PLD5: variants seen among roughly 807,000 people sequenced by gnomAD.
PLD5 encodes phospholipase D family member 5, also known as inactive phospholipase D5.
A neutral mutation model predicts 61.1 loss-of-function variants in PLD5; 36 were observed. That is an observed-to-expected ratio of 0.59 (90% CI 0.45 to 0.78). PLD5 has a LOEUF of 0.78. Ranked by LOEUF, PLD5 falls within the 30% of genes least tolerant of loss-of-function variation. The pLI, the probability that PLD5 is intolerant of heterozygous loss-of-function variation, is 0.00. For synonymous variants in PLD5, 243 were observed against 242.8 expected, an observed-to-expected ratio of 1.00 and a Z score of -0.01; for missense variants, 515 against 644.4, an observed-to-expected ratio of 0.80 and a Z score of 2.17.
intron 9 of PLD5, among the ~76,000 whole-genome samples, chr1:242,093,315 C>T (rs1160571700): frequency 6.6e-6 from 1 of 152,146 alleles, no homozygotes. Context: ...CCCTGCCAGG[C>T]AGTATCTTCT....
rs1277225083 is a variant in PLD5, at chr1:242,394,843, C to T, written c.190-46601G>A. 1.0e-4 allele frequency among the ~76,000 whole-genome samples: 12 copies of T among 117,864 alleles called. 3 individuals are homozygous for T. The highest frequency in any genetic ancestry group is 1.7e-4 in the Non-Finnish European group (10 of 60,040). The allele number at this position is 117,864 out of a possible 152,430, so 77.3% of individuals were successfully genotyped here. ...ATATACATATATGTGAATATATATA[C>T]ATATGTGAATATATATGTATATATG... On this transcript the variant is annotated intron_variant, in intron 1 of 9. Coordinates refer to ENST00000536534, the MANE Select transcript of PLD5 (RefSeq NM_001372062.1).
chr1:242,414,387 CT>C (rs1664714266), intron 1 of PLD5, among the ~76,000 whole-genome samples: 1 of 152,174 alleles, frequency 6.6e-6, no homozygotes, highest in Admixed American at 6.5e-5. Flanking sequence ...GATTCCTTCA[CT>C]TTACCCAGAG....
In PLD5 at chr1:242,371,505, T is replaced by C. The variant is rs552185482; in HGVS notation, c.190-23263A>G. Among the ~76,000 whole-genome samples the C allele has an allele frequency of 9.2e-5, 14 of 152,216 alleles. No individual in the cohort carries two copies. In the East Asian group the frequency reaches 2.1e-3, roughly 23 times the overall value. ...TCCCTATCACCTCTGCCCTAACTCC[T>C]TTCTCCATCCCTTATCCCCCTCCTT... On this transcript the variant is annotated intron_variant, in intron 1 of 9. Transcript: ENST00000536534.
intron 4 of PLD5, among the ~76,000 whole-genome samples, chr1:242,220,386 A>G (rs1670494746): frequency 6.6e-6 from 1 of 152,242 alleles, no homozygotes; most frequent in Non-Finnish European, 1.5e-5. Context: ...GGTTTTGCAT[A>G]TAGTGACAAG....
chr1:242,085,269 A>G lies in PLD5; in HGVS notation c.*4585T>C, dbSNP rs911569904. On this transcript the variant is annotated 3_prime_UTR_variant, in exon 10 of 10. Coordinates refer to ENST00000536534, the MANE Select transcript of PLD5 (RefSeq NM_001372062.1). ...TTTCAAATTGCCAAAAGAAGCGTTA[A>G]TGACCAGTGAAGTTTTAGAACCTTG... 5 of 152,202 alleles carry G rather than the reference A, an allele frequency of 3.3e-5. No homozygotes were observed. The highest frequency in any genetic ancestry group is 7.2e-5 in the African/African-American group (3 of 41,462). The allele number at this position is 152,202 out of a possible 1,614,324, so 9.4% of individuals were successfully genotyped here. A position where few individuals can be genotyped will look rare whatever the true frequency, so the allele number is the denominator to read the frequency against.
chr1:242,301,516 C>G (rs1228386117), intron 2 of PLD5, among the ~76,000 whole-genome samples: 6 of 151,934 alleles, frequency 3.9e-5, no homozygotes. Flanking sequence ...TGTCTTCCTC[C>G]CCTCTCTACC....
At chr1:242,245,455 G>T (rs988078052) in intron 4 of PLD5, among the ~76,000 whole-genome samples, 1 of 152,166 alleles carries the variant, frequency 6.6e-6, no homozygotes, top group South Asian at 2.1e-4. Flanking sequence ...CAAATCAAGC[G>T]CTTGCCTGTT....
chr1:242,445,098 G>A (rs1006258780), intron 1 of PLD5, among the ~76,000 whole-genome samples: 14 of 152,108 alleles, frequency 9.2e-5, no homozygotes, highest in Non-Finnish European at 1.6e-4. Context: ...CTAATCCCCA[G>A]TGTGATAGTA....
chr1:242,487,206 T>C (rs1667994414), intron 1 of PLD5, among the ~76,000 whole-genome samples: 1 of 151,376 alleles, frequency 6.6e-6, no homozygotes, highest in Non-Finnish European at 1.5e-5. Flanking sequence ...AAACTTAAAG[T>C]ATATATATAA....
In PLD5 at chr1:242,524,119, A is replaced by T. The variant is rs1420888118; in HGVS notation, c.158T>A (p.Val53Asp). 6.5e-7 allele frequency: 1 copy of T among 1,535,142 alleles called. No individual in the cohort carries two copies. Among genetic ancestry groups the T allele is most frequent in the Admixed American group, 2.0e-5 (1 of 50,980 alleles). ...SVKQQDYSAS[V>D]WLRRKDKLEH... is the part of the protein sequence containing the mutation. ...CAGCTTGTCTTTCCTCCGAAGCCAGACGCTGGCGCTGTAGTCCTGCTGCTT... is the reference window on the plus strand; with the variant it reads ...CAGCTTGTCTTTCCTCCGAAGCCAGTCGCTGGCGCTGTAGTCCTGCTGCTT... Residue 53 changes from valine to aspartate, a missense_variant, in exon 1 of 10, where the codon GTC (valine) becomes GAC (aspartate). Coordinates refer to ENST00000536534, the MANE Select transcript of PLD5 (RefSeq NM_001372062.1).
intron 4 of PLD5, among the ~76,000 whole-genome samples, chr1:242,237,994 T>A (rs1293193195): frequency 1.3e-5 from 2 of 152,182 alleles, no homozygotes. Context: ...CATACACCCC[T>A]CATCCCTCCT....
At chr1:242,354,148 T>C (rs1660627374) in intron 1 of PLD5, among the ~76,000 whole-genome samples, 7 of 152,044 alleles carry the variant, frequency 4.6e-5, no homozygotes, top group Admixed American at 4.6e-4. Flanking sequence ...ATGATGAAAG[T>C]GATCCCTAGC....
intron 4 of PLD5, among the ~76,000 whole-genome samples, chr1:242,241,853 G>A (rs1672028284): frequency 8.2e-6 from 1 of 121,512 alleles, no homozygotes; most frequent in Admixed American, 9.6e-5. Flanking sequence ...GAAGAAGAAA[G>A]AACTTGCTTT....
intron 1 of PLD5, among the ~76,000 whole-genome samples, chr1:242,410,028 T>TC (rs1664461726): frequency 6.6e-6 from 1 of 152,138 alleles, no homozygotes; most frequent in Admixed American, 6.5e-5. Context: ...GGACCCCTTT[T>TC]CCCCTCTAGC....
chr1:242,130,258 G>A lies in PLD5; in HGVS notation c.736-5593C>T, dbSNP rs1371163500. ...GTAGAGACAGGGTTTCACCACGTTG[G>A]CCAGGCTGGTCTCAAACTCCTGACC... On this transcript the variant is annotated intron_variant, in intron 5 of 9. Transcript: ENST00000536534. Among the ~76,000 whole-genome samples, 3 of 152,148 alleles carry A rather than the reference G, an allele frequency of 2.0e-5. No individual in the cohort carries two copies. In the East Asian group the frequency reaches 5.8e-4, roughly 29 times the overall value.
chr1:242,147,030 T>G (rs1664592188), intron 5 of PLD5, among the ~76,000 whole-genome samples: 1 of 152,232 alleles, frequency 6.6e-6, no homozygotes, highest in Non-Finnish European at 1.5e-5. Flanking sequence ...TGAGGTACAA[T>G]TGACATATAG....
At chr1:242,115,534 T>C (rs1661874883) in intron 6 of PLD5, among the ~76,000 whole-genome samples, 1 of 152,138 alleles carries the variant, frequency 6.6e-6, no homozygotes, top group Admixed American at 6.6e-5. Flanking sequence ...ACATAGCTAA[T>C]AATTTTCTCA....
chr1:242,207,950 T>TTATA (rs1324287866), intron 5 of PLD5, among the ~76,000 whole-genome samples: 2 of 10,116 alleles, frequency 2.0e-4, no homozygotes, highest in Admixed American at 1.6e-3. Context: ...TTATATATAT[T>TTATA]TATTTATATA....
At chr1:242,393,091 C>G (rs1183954223) in intron 1 of PLD5, among the ~76,000 whole-genome samples, 1 of 151,038 alleles carries the variant, frequency 6.6e-6, no homozygotes, top group African/African-American at 2.4e-5. Flanking sequence ...GTAATCCCAG[C>G]TACTCAGGAG....
Sources: gnomAD v4.1 joint callset for allele counts (sites outside exome capture counted in the v4.1 genomes callset) on GRCh38, gnomAD v4.1.1 for gene constraint, MANE v1.5 for transcripts, NCBI Gene and HGNC (gene_info 2026-07-23, HGNC 2026-07-21) for gene names.